PROM1: variants seen among roughly 807,000 people sequenced by gnomAD.
PROM1 encodes the protein prominin-1.
Under a neutral mutation model 116.9 loss-of-function variants are expected in PROM1, and 105 were observed. That is an observed-to-expected ratio of 0.90 (90% CI 0.77 to 1.06). The LOEUF is 1.06. Among genes scored for constraint, PROM1 ranks in the 50% least tolerant of loss-of-function variants. The probability of loss-of-function intolerance (pLI) is 0.00; values close to 1 mark genes in which losing one functional copy is unlikely to be tolerated. For synonymous variants in PROM1, 393 were observed against 387.0 expected, an observed-to-expected ratio of 1.02 and a Z score of -0.18; for missense variants, 1,122 against 1,045.2, an observed-to-expected ratio of 1.07 and a Z score of -1.01.
chr4:15,978,015 C>T (rs142369538), intron 26 of PROM1, among the ~76,000 whole-genome samples: 70 of 152,286 alleles, frequency 4.6e-4, no homozygotes, highest in Middle Eastern at 3.4e-3. Flanking sequence ...GAAGGCAAAG[C>T]CCTCATTAGT....
intron 8 of PROM1, among the ~76,000 whole-genome samples, chr4:16,021,674 C>T (rs1034280859): frequency 3.3e-5 from 5 of 152,202 alleles, no homozygotes; most frequent in African/African-American, 7.2e-5. Context: ...TCCCAGATTT[C>T]CAATTCTCCC....
intron 11 of PROM1, 108 bp downstream of exon 11, chr4:16,013,167 T>C: frequency 1.1e-6 from 1 of 879,174 alleles, no homozygotes; most frequent in Non-Finnish European, 1.8e-6. Flanking sequence ...TTGACAGCTT[T>C]AATGAGAAAC....
intron 22 of PROM1, chr4:15,985,463 C>T (rs903858139): frequency 2.0e-5 from 7 of 356,294 alleles, no homozygotes; most frequent in African/African-American, 1.3e-4. Context: ...AGTTCTCGTG[C>T]CCAGCATAGT....
chr4:16,020,590 G>A (rs1729601665), intron 8 of PROM1, among the ~76,000 whole-genome samples: 1 of 152,162 alleles, frequency 6.6e-6, no homozygotes, highest in African/African-American at 2.4e-5. Context: ...ATGTTTTAAT[G>A]TTCTGTGGTT....
At chr4:16,011,740 A>G (rs112685361) in intron 11 of PROM1, among the ~76,000 whole-genome samples, 2 of 152,286 alleles carry the variant, frequency 1.3e-5, no homozygotes, top group African/African-American at 4.8e-5. Context: ...ATATCTTAAT[A>G]TTTTCAAGTA....
intron 15 of PROM1, among the ~76,000 whole-genome samples, chr4:15,995,332 G>C (rs567764618): frequency 1.1e-5 from 1 of 89,238 alleles, no homozygotes. Context: ...AGAAGAAGAC[G>C]AAGAAGACGA....
In PROM1 at chr4:16,006,647, C is replaced by T. The variant is rs200620291; in HGVS notation, c.1345G>A (p.Val449Met). The T allele has an allele frequency of 2.1e-3, 3,459 of 1,612,830 alleles. 4 individuals are homozygous for T. The highest frequency in any genetic ancestry group is 2.6e-3 in the Non-Finnish European group (3,116 of 1,179,520). The change falls in exon 13 of 28, where the codon GTG (valine) becomes ATG (methionine). Residue 449 changes from valine (V) to methionine (M), a missense_variant. Physicochemically the swap from Val to Met is conservative, Grantham distance 21 (BLOSUM62 1). Transcript: ENST00000447510. ...AGTAAGCCCAGGTAGTAAAAAATCA[C>T]GATGAGGGTCAGCAGAGAGCAGATG... ...LVICSLLTLI[V>M]IFYYLGLLCG...
rs1381777274 is a variant in PROM1 at position 15,979,002 on chromosome 4, GGAAGGAAA to G, written c.2582+385_2582+392del. Among the ~76,000 whole-genome samples, 374 of 139,490 alleles carry G rather than the reference GGAAGGAAA, an allele frequency of 2.7e-3. 3 individuals are homozygous for G. The highest frequency in any genetic ancestry group is 0.01 in the African/African-American group (353 of 34,814). The allele number at this position is 139,490 out of a possible 152,430, so 91.5% of individuals were successfully genotyped here. A position where few individuals can be genotyped will look rare whatever the true frequency, so the allele number is the denominator to read the frequency against. ...TGGAAGGAAGGAAAAAAGGAAGGAA[GGAAGGAAA>G]GAAGGAAGGAAGGAAGGAAGGAAAG... On this transcript the variant is annotated intron_variant, in intron 26 of 27. Transcript: ENST00000447510.
chr4:15,996,949 A>G (rs1418550576), intron 15 of PROM1, among the ~76,000 whole-genome samples: 2 of 152,120 alleles, frequency 1.3e-5, no homozygotes, highest in South Asian at 4.1e-4. Flanking sequence ...TTCACTATGA[A>G]CACACCATGT....
intron 20 of PROM1, 55 bp from the exon 21 acceptor site, chr4:15,986,092 G>T: frequency 7.8e-7 from 1 of 1,282,564 alleles, no homozygotes; most frequent in Non-Finnish European, 1.1e-6. Flanking sequence ...GTTTTAATTA[G>T]ACAATTTGCA....
chr4:15,980,158 G>A, intron 24 of PROM1: 1 of 595,602 alleles, frequency 1.7e-6, no homozygotes, highest in East Asian at 2.9e-5. Flanking sequence ...GTCCCCGAGA[G>A]AGAGGAACTG....
intron 26 of PROM1, among the ~76,000 whole-genome samples, chr4:15,977,680 C>A (rs1459533780): frequency 6.6e-6 from 1 of 152,184 alleles, no homozygotes; most frequent in Non-Finnish European, 1.5e-5. Context: ...CTCACTGCAA[C>A]CTCTGCCTCC....
intron 7 of PROM1, 110 bp from the exon 8 acceptor site, chr4:16,023,525 G>C (rs1730445557): frequency 1.2e-6 from 1 of 816,668 alleles, no homozygotes; most frequent in Non-Finnish European, 2.0e-6. Flanking sequence ...AAACCCATTT[G>C]CATCCTGGAC....
chr4:15,979,091 C>T (rs1273725998), intron 26 of PROM1, among the ~76,000 whole-genome samples: 5 of 152,114 alleles, frequency 3.3e-5, no homozygotes. Flanking sequence ...TTATTTGGTG[C>T]AGAGAAATTC....
intron 23 of PROM1, among the ~76,000 whole-genome samples, chr4:15,982,253 C>G (rs879445645): frequency 1.3e-5 from 2 of 152,184 alleles, no homozygotes; most frequent in African/African-American, 2.4e-5. Flanking sequence ...ATAACACCTG[C>G]TTCACCCTCA....
intron 10 of PROM1, among the ~76,000 whole-genome samples, chr4:16,015,651 C>A (rs1305122178): frequency 6.6e-6 from 1 of 152,018 alleles, no homozygotes; most frequent in Non-Finnish European, 1.5e-5. Context: ...GATCGTACCA[C>A]TGTACTCCAT....
At chr4:16,004,909 T>TCTCTCTCTCCCTCCCCCTCTCTCTCTC (rs1560461106) in intron 13 of PROM1, among the ~76,000 whole-genome samples, 9 of 75,012 alleles carry the variant, frequency 1.2e-4, no homozygotes, top group African/African-American at 5.4e-4. Context: ...CTCTCTCCCT[T>TCTCTCTCTCCCTCCCCCTCTCTCTCTC]CCTTCCTTCC....
intron 2 of PROM1, among the ~76,000 whole-genome samples, chr4:16,048,645 A>G (rs1205509054): frequency 6.6e-6 from 1 of 152,012 alleles, no homozygotes; most frequent in Non-Finnish European, 1.5e-5. Context: ...CCTCTCCTTT[A>G]GCTGACTGGA....
At chr4:16,038,753 C>T (rs909642614) in intron 3 of PROM1, among the ~76,000 whole-genome samples, 193 bp downstream of exon 3, 2 of 152,138 alleles carry the variant, frequency 1.3e-5, no homozygotes, top group East Asian at 3.8e-4. Flanking sequence ...CTTCAAATGC[C>T]GCTTTTGAAC....
Sources: allele counts gnomAD v4.1 joint callset (sites outside exome capture counted in the v4.1 genomes callset), GRCh38; gene constraint gnomAD v4.1.1; transcripts MANE v1.5; gene names NCBI Gene and HGNC (gene_info 2026-07-23, HGNC 2026-07-21).